Variants in VPS35L observed in about 807,000 individuals in gnomAD.
VPS35L encodes the protein VPS35 endosomal protein sorting factor like, also known as VPS35 endosomal protein-sorting factor-like.
VPS35L carries 83 observed loss-of-function variants against 133.0 expected under a neutral mutation model. The observed-to-expected ratio is 0.62, with a 90% CI of 0.52 to 0.75. The LOEUF (loss-of-function observed/expected upper bound fraction) is 0.75. Among genes scored for constraint, VPS35L ranks in the 30% least tolerant of loss-of-function variants. The probability of loss-of-function intolerance (pLI) is 0.00; values close to 1 mark genes in which losing one functional copy is unlikely to be tolerated. For synonymous variants in VPS35L, 423 were observed against 449.9 expected, an observed-to-expected ratio of 0.94 and a Z score of 0.76; for missense variants, 1,083 against 1,206.8, an observed-to-expected ratio of 0.90 and a Z score of 1.52.
intron 3 of VPS35L, among the ~76,000 whole-genome samples, chr16:19,569,958 A>G (rs988675978): frequency 3.3e-5 from 5 of 152,168 alleles, no homozygotes; most frequent in Non-Finnish European, 7.3e-5. Context: ...TAAGTTGCAC[A>G]AGTAATGCAC....
At chr16:19,556,344 T>TA (rs112833889) in intron 1 of VPS35L, among the ~76,000 whole-genome samples, 6,751 of 151,580 alleles carry the variant, frequency 0.045, 502 homozygotes, top group African/African-American at 0.15. Context: ...ACCAGGGGGC[T>TA]AGGGGAAGGC....
intron 9 of VPS35L, among the ~76,000 whole-genome samples, chr16:19,602,444 G>A (rs116442520): frequency 0.017 from 2,643 of 152,096 alleles, 69 homozygotes; most frequent in African/African-American, 0.06. Flanking sequence ...GAAAGTGTTT[G>A]TGACAGTAAC....
At chr16:19,629,158 A>G (rs1174291029) in intron 17 of VPS35L, among the ~76,000 whole-genome samples, 2 of 152,176 alleles carry the variant, frequency 1.3e-5, no homozygotes, top group Non-Finnish European at 2.9e-5. Flanking sequence ...CAAGCTGAAC[A>G]TGGTAGCTCA....
chr16:19,638,723 C>T (rs960702168), intron 20 of VPS35L, among the ~76,000 whole-genome samples: 4 of 152,120 alleles, frequency 2.6e-5, no homozygotes, highest in Non-Finnish European at 5.9e-5. Context: ...AATGTGGAGA[C>T]GCTAGACAAA....
chr16:19,594,598 C>T (rs950199284), intron 8 of VPS35L, among the ~76,000 whole-genome samples: 2 of 128,126 alleles, frequency 1.6e-5, no homozygotes, highest in Non-Finnish European at 3.1e-5. Context: ...GAGCTGAGAT[C>T]GCGCTGCTGC....
chr16:19,697,605 T>G lies in VPS35L; in HGVS notation c.2647-1897T>G, dbSNP rs373007206. 2.0e-5 allele frequency among the ~76,000 whole-genome samples: 3 copies of G among 152,202 alleles called. No individual in the cohort carries two copies. The South Asian group carries it at 6.2e-4, about 32-fold the overall frequency. On this transcript the variant is annotated intron_variant, in intron 29 of 30. Coordinates refer to ENST00000417362, the MANE Select transcript of VPS35L (RefSeq NM_020314.7). ...AGCAGCTCGCAGGCGCCATGTGAATTATCTGTGGAACGTTGGATGGATAGA... is the reference window on the plus strand; with the variant it reads ...AGCAGCTCGCAGGCGCCATGTGAATGATCTGTGGAACGTTGGATGGATAGA...
chr16:19,692,125 C>G (rs1005483919), intron 29 of VPS35L, among the ~76,000 whole-genome samples: 2 of 152,084 alleles, frequency 1.3e-5, no homozygotes, highest in Admixed American at 6.5e-5. Context: ...ATCCGCCTAC[C>G]TCGGCCTCCC....
At chr16:19,580,730 T>C (rs946565281) in intron 6 of VPS35L, among the ~76,000 whole-genome samples, 7 of 152,168 alleles carry the variant, frequency 4.6e-5, no homozygotes, top group African/African-American at 1.7e-4. Flanking sequence ...GCAGTACCTG[T>C]ACTCCCCTGA....
chr16:19,555,794 T>G, intron 1 of VPS35L, 48 bp downstream of exon 1: 1 of 1,533,528 alleles, frequency 6.5e-7, no homozygotes, highest in Non-Finnish European at 8.7e-7. Flanking sequence ...TGTCCTTACT[T>G]GTGATGGGGT....
At chr16:19,678,735 C>A (rs931297321) in intron 27 of VPS35L, among the ~76,000 whole-genome samples, 1 of 151,960 alleles carries the variant, frequency 6.6e-6, no homozygotes, top group Non-Finnish European at 1.5e-5. Context: ...GCCTCGGCCT[C>A]CCAAGGTGCT....
chr16:19,628,647 T>C lies in VPS35L; in HGVS notation c.1394T>C (p.Phe465Ser). The change falls in exon 17 of 31, where the codon TTT becomes TCT. Residue 465 changes from phenylalanine to serine, a missense_variant. Coordinates refer to ENST00000417362, the MANE Select transcript of VPS35L (RefSeq NM_020314.7). Reference protein sequence around the residue: ...DESGFPKHLLFRSLGLNLALA... With the variant: ...DESGFPKHLLSRSLGLNLALA... ...TGACATGTTTCTTAGCATCTTCTTTTTCGATCACTGGGATTAAACTTGGCC... is the reference window on the plus strand; with the variant it reads ...TGACATGTTTCTTAGCATCTTCTTTCTCGATCACTGGGATTAAACTTGGCC... 6.4e-7 allele frequency: 1 copy of C among 1,571,240 alleles called. No individual in the cohort carries two copies. The highest frequency in any genetic ancestry group is 8.7e-7 in the Non-Finnish European group (1 of 1,148,570).
intron 7 of VPS35L, among the ~76,000 whole-genome samples, chr16:19,584,902 TG>T (rs1334134559): frequency 6.6e-6 from 1 of 152,184 alleles, no homozygotes; most frequent in Admixed American, 6.5e-5. Flanking sequence ...GGTTTTCATT[TG>T]ATGATTCCCC....
chr16:19,604,143 C>A, intron 9 of VPS35L, among the ~76,000 whole-genome samples: 1 of 146,494 alleles, frequency 6.8e-6, no homozygotes, highest in African/African-American at 2.5e-5. Context: ...TTTTTTTTGG[C>A]AACAACAGCA....
intron 26 of VPS35L, among the ~76,000 whole-genome samples, chr16:19,661,660 A>C (rs1437892734): frequency 6.6e-6 from 1 of 152,166 alleles, no homozygotes; most frequent in Admixed American, 6.5e-5. Flanking sequence ...TGGAGAAGCT[A>C]ATTAGAGAGG....
At chr16:19,624,833 T>G (rs1973210816) in intron 14 of VPS35L, among the ~76,000 whole-genome samples, 1 of 152,178 alleles carries the variant, frequency 6.6e-6, no homozygotes, top group Non-Finnish European at 1.5e-5. Context: ...GGGGATAATG[T>G]TCCATGGACC....
chr16:19,695,508 G>A (rs755952061), intron 29 of VPS35L, among the ~76,000 whole-genome samples: 19 of 152,252 alleles, frequency 1.2e-4, no homozygotes, highest in African/African-American at 2.9e-4. Context: ...CTGTCCATAT[G>A]TGCACATTTA....
At chr16:19,676,736 T>C (rs1975075455) in intron 27 of VPS35L, among the ~76,000 whole-genome samples, 1 of 152,188 alleles carries the variant, frequency 6.6e-6, no homozygotes, top group South Asian at 2.1e-4. Context: ...ATTCCGTCTA[T>C]TCCACAAACA....
chr16:19,674,190 T>C (rs796334495), intron 27 of VPS35L, among the ~76,000 whole-genome samples: 16 of 117,734 alleles, frequency 1.4e-4, no homozygotes, highest in African/African-American at 2.8e-4. Flanking sequence ...TTTTCTTTTT[T>C]TTTTTTTTTT....
chr16:19,650,342 C>G, intron 24 of VPS35L, 40 bp from the exon 25 acceptor site: 7 of 1,476,580 alleles, frequency 4.7e-6, no homozygotes, highest in Non-Finnish European at 5.7e-6. Flanking sequence ...CTGAATCGGC[C>G]ATCGCTTCAT....
Sources: gnomAD v4.1 joint callset for allele counts (sites outside exome capture counted in the v4.1 genomes callset) on GRCh38, gnomAD v4.1.1 for gene constraint, MANE v1.5 for transcripts, NCBI Gene and HGNC (gene_info 2026-07-23, HGNC 2026-07-21) for gene names.